Variants in FANCD2 observed in about 807,000 individuals in gnomAD.
FANCD2 encodes the protein FA complementation group D2.
FANCD2 carries 131 observed loss-of-function variants against 192.3 expected under a neutral mutation model. That is an observed-to-expected ratio of 0.68 (90% CI 0.59 to 0.79). FANCD2 has a LOEUF of 0.79. Among genes scored for constraint, FANCD2 ranks in the 30% least tolerant of loss-of-function variants. The pLI is 0.00. For synonymous variants in FANCD2, 524 were observed against 612.5 expected (o/e 0.86, Z 2.13); for missense variants, 1,508 against 1,701.6 (o/e 0.89, Z 2.00).
At chr3:10,072,663 G>C (rs1693318291) in intron 26 of FANCD2, among the ~76,000 whole-genome samples, 1 of 152,204 alleles carries the variant, frequency 6.6e-6, no homozygotes, top group South Asian at 2.1e-4. Flanking sequence ...TATGATAATT[G>C]ATCATACTTA....
At chr3:10,082,528 C>T (rs1439020046) in intron 32 of FANCD2, among the ~76,000 whole-genome samples, 1 of 152,154 alleles carries the variant, frequency 6.6e-6, no homozygotes, top group Non-Finnish European at 1.5e-5. Flanking sequence ...TCTTCTGACT[C>T]CTGCTATTCC....
intron 26 of FANCD2, among the ~76,000 whole-genome samples, chr3:10,070,159 T>G (rs1358303240): frequency 7.0e-6 from 1 of 142,806 alleles, no homozygotes; most frequent in African/African-American, 2.6e-5. Context: ...CTGCCCCGTA[T>G]GAGAAGTGAG....
chr3:10,038,202 G>C (rs982647597), intron 7 of FANCD2, among the ~76,000 whole-genome samples: 14 of 152,172 alleles, frequency 9.2e-5, no homozygotes, highest in African/African-American at 3.4e-4. Context: ...ATGTTGGCCA[G>C]GCTGGCCTCG....
At position 10,092,168 on chromosome 3, in the gene FANCD2, T is replaced by G. The variant is rs1415855675; in HGVS notation, c.3778-13T>G. 4 of 1,607,568 alleles carry G rather than the reference T, an allele frequency of 2.5e-6. No individual in the cohort carries two copies. Among genetic ancestry groups the G allele is most frequent in the South Asian group, 2.2e-5 (2 of 90,954 alleles). ...CTGTGACTCAGAGGTGCCCATATAT[T>G]TGGCTGCCCCAGATTCATGAAGAGA... On this transcript the variant is annotated splice_polypyrimidine_tract_variant and intron_variant, in intron 37 of 43. Transcript: ENST00000675286.
chr3:10,071,752 T>G (rs961774143), intron 26 of FANCD2, among the ~76,000 whole-genome samples: 1 of 152,094 alleles, frequency 6.6e-6, no homozygotes, highest in Non-Finnish European at 1.5e-5. Flanking sequence ...ATAGAATGAA[T>G]AAGATCTAGT....
intron 32 of FANCD2, among the ~76,000 whole-genome samples, chr3:10,085,212 C>T (rs1488590108): frequency 2.0e-5 from 3 of 151,904 alleles, no homozygotes; most frequent in Admixed American, 6.6e-5. Flanking sequence ...TCAAAGTAAA[C>T]CTATGGCCCA....
intron 1 of FANCD2, 90 bp downstream of exon 1, chr3:10,026,563 TCTGGGGCTCCGCGCCCCGAAC>T: frequency 3.3e-6 from 1 of 303,350 alleles, no homozygotes; most frequent in Non-Finnish European, 4.9e-6. Flanking sequence ...GGCGTTCTCC[TCTGGGGCTCCGCGCCCCGAAC>T]CTTGGCTTCC....
Position 10,086,988 on chromosome 3 carries a change from G to A in FANCD2, c.3336-146G>A, listed in dbSNP as rs571185995. ...TTTTCTACCAAGATGCTTGAAGAGG[G>A]TTGCTACTAAAGCACCTGAAAATAA... On this transcript the variant is annotated intron_variant, in intron 33 of 43. Coordinates refer to ENST00000675286, the MANE Select transcript of FANCD2 (RefSeq NM_001018115.3). The A allele has an allele frequency of 1.3e-5, 11 of 866,870 alleles. No individual in the cohort carries two copies. The South Asian group carries it at 1.3e-4, about 11-fold the overall frequency. 53.7% of individuals were successfully genotyped at this position (866,870 alleles called of 1,614,324 possible).
chr3:10,068,823 G>A (rs946790927), intron 26 of FANCD2, among the ~76,000 whole-genome samples: 2 of 152,088 alleles, frequency 1.3e-5, no homozygotes, highest in African/African-American at 4.8e-5. Flanking sequence ...ACAGAAGAGA[G>A]CCCAGAAATA....
At chr3:10,060,469 C>A (rs2087534348) in intron 19 of FANCD2, 66 bp downstream of exon 19, 3 of 1,165,488 alleles carry the variant, frequency 2.6e-6, no homozygotes, top group Non-Finnish European at 3.9e-6. Flanking sequence ...AGTGTTACAT[C>A]TCATAGACAT....
intron 2 of FANCD2, chr3:10,032,239 GA>G: frequency 2.7e-6 from 1 of 365,118 alleles, no homozygotes; most frequent in Non-Finnish European, 5.4e-6. Flanking sequence ...TATTTGGGTG[GA>G]AAACATTTCT....
intron 30 of FANCD2, among the ~76,000 whole-genome samples, chr3:10,080,452 AT>A (rs1260005505): frequency 6.6e-6 from 1 of 152,114 alleles, no homozygotes; most frequent in African/African-American, 2.4e-5. Context: ...AGGCTTCTAC[AT>A]TTTTTTGTTT....
Position 10,098,834 on chromosome 3 carries a change from C to T in FANCD2, c.4281+19C>T. The T allele has an allele frequency of 1.9e-6, 3 of 1,614,162 alleles. No individual in the cohort carries two copies. The highest frequency in any genetic ancestry group is 2.5e-6 in the Non-Finnish European group (3 of 1,180,032). On this transcript the variant is annotated intron_variant, in intron 43 of 43. Transcript: ENST00000675286. Reference sequence around the variant, plus strand: ...CACTGAGGTATCTCTACAAAACCCACCAGAGTCTGGCACTGATGGTTGCAT... The same window carrying T: ...CACTGAGGTATCTCTACAAAACCCATCAGAGTCTGGCACTGATGGTTGCAT...
intron 18 of FANCD2, 140 bp from the exon 19 acceptor site, chr3:10,060,154 C>T (rs1222968993): frequency 1.9e-5 from 12 of 630,352 alleles, no homozygotes; most frequent in South Asian, 3.6e-5. Context: ...GCAACAAGAA[C>T]GAAAGTCCGT....
rs372534421 is a variant in FANCD2 at position 10,043,848 on chromosome 3, C to T, written c.1118C>T (p.Ser373Leu). 1.1e-4 allele frequency: 183 copies of T among 1,613,024 alleles called. No homozygotes were observed. Among genetic ancestry groups the T allele is most frequent in the Middle Eastern group, 3.3e-4 (2 of 6,076 alleles). Residue 373 changes from serine to leucine, a missense_variant, in exon 14 of 44, where the codon TCA (serine) becomes TTA (leucine). Ser to Leu is a moderately radical substitution (Grantham distance 145). Transcript: ENST00000675286. ...TTTCAGGCAATTGAAAACACTGCCT[C>T]AGTATCTGAACACAAGGTAATGTTC... Reference protein sequence around the residue: ...AWIKAIENTASVSEHKVFDLV... With the variant: ...AWIKAIENTALVSEHKVFDLV...
At chr3:10,050,622 C>CAAA (rs58316932) in intron 17 of FANCD2, among the ~76,000 whole-genome samples, 17 of 59,568 alleles carry the variant, frequency 2.9e-4, no homozygotes, top group African/African-American at 3.9e-4. Flanking sequence ...GACTCTGTCT[C>CAAA]AAAAAAAAAA....
chr3:10,071,432 A>T (rs1321950832), intron 26 of FANCD2, among the ~76,000 whole-genome samples: 1 of 152,220 alleles, frequency 6.6e-6, no homozygotes, highest in Non-Finnish European at 1.5e-5. Flanking sequence ...CAAGATTTGG[A>T]AGCAACCTAA....
intron 7 of FANCD2, among the ~76,000 whole-genome samples, chr3:10,038,666 C>T (rs188694768): frequency 1.3e-4 from 20 of 150,498 alleles, no homozygotes; most frequent in Non-Finnish European, 2.2e-4. Context: ...CTGCAACCTC[C>T]GCCTTCTGGG....
At chr3:10,041,586 C>A (rs2124989099) in intron 9 of FANCD2, 37 bp from the exon 10 acceptor site, 1 of 1,410,938 alleles carries the variant, frequency 7.1e-7, no homozygotes, top group Non-Finnish European at 1.0e-6. Context: ...TCTGTTCAAA[C>A]CATTATACAA....
Sources: allele counts gnomAD v4.1 joint callset (sites outside exome capture counted in the v4.1 genomes callset), GRCh38; gene constraint gnomAD v4.1.1; transcripts MANE v1.5; gene names NCBI Gene and HGNC (gene_info 2026-07-23, HGNC 2026-07-21).